The following SCYL2 variants were observed in gnomAD, a reference collection of about 807,000 sequenced individuals.
The protein encoded by SCYL2 is SCY1 like pseudokinase 2, also known as SCY1-like protein 2.
SCYL2 carries 36 observed loss-of-function variants against 100.4 expected under a neutral mutation model. The observed-to-expected ratio is 0.36, with a 90% confidence interval of 0.27 to 0.47. SCYL2 has a LOEUF of 0.47. SCYL2 is among the 20% of genes least tolerant of loss of function. The pLI is 1.00. For missense variants in SCYL2, 902 were observed against 1,083.9 expected (o/e 0.83, Z 2.36); for synonymous variants, 330 against 359.2 (o/e 0.92, Z 0.92).
At chr12:100,332,365 A>G (rs1464622975) in intron 13 of SCYL2, among the ~76,000 whole-genome samples, 2 of 152,210 alleles carry the variant, frequency 1.3e-5, no homozygotes, top group Non-Finnish European at 2.9e-5. Context: ...GTTACCAGTT[A>G]ATAATAGGAA....
chr12:100,283,196 C>A, intron 2 of SCYL2, 49 bp downstream of exon 2: 1 of 1,453,862 alleles, frequency 6.9e-7, no homozygotes, highest in African/African-American at 1.4e-5. Context: ...ATGCTAAGAA[C>A]CATAAAATGC....
In SCYL2 at chr12:100,291,610, G is replaced by A. The variant is rs762255465; in HGVS notation, c.285G>A (p.Arg95=). 1.9e-6 allele frequency: 3 copies of A among 1,599,080 alleles called. No homozygotes were observed. In the Admixed American group the frequency reaches 5.2e-5, roughly 28 times the overall value. Reference sequence around the variant, plus strand: ...AACGAGGAGTCCAACAGTTAACTCGGCTTCGACACCCTCGACTTCTTACTG... The same window carrying A: ...AACGAGGAGTCCAACAGTTAACTCGACTTCGACACCCTCGACTTCTTACTG... ...SLKRGVQQLT[R]LRHPRLLTVQ... The change falls in exon 3 of 18, where the codon CGG becomes CGA. Residue 95 remains arginine (R), a synonymous_variant. Transcript: ENST00000360820.
At chr12:100,295,866 A>G (rs2096319676) in intron 3 of SCYL2, among the ~76,000 whole-genome samples, 1 of 152,100 alleles carries the variant, frequency 6.6e-6, no homozygotes, top group Non-Finnish European at 1.5e-5. Flanking sequence ...AAACTGGGGC[A>G]GACTGGAGTT....
At chr12:100,333,094 T>G (rs1952231932) in intron 13 of SCYL2, among the ~76,000 whole-genome samples, 1 of 151,538 alleles carries the variant, frequency 6.6e-6, no homozygotes. Context: ...TTTTTTTTTG[T>G]CTGTGCACTT....
At chr12:100,271,687 A>G (rs1178266376) in intron 1 of SCYL2, among the ~76,000 whole-genome samples, 2 of 152,226 alleles carry the variant, frequency 1.3e-5, no homozygotes, top group African/African-American at 4.8e-5. Context: ...TCATTGCCAG[A>G]TGTAATTACG....
intron 3 of SCYL2, among the ~76,000 whole-genome samples, chr12:100,296,476 CAA>C (rs1222750931): frequency 6.6e-6 from 1 of 151,868 alleles, no homozygotes; most frequent in Non-Finnish European, 1.5e-5. Flanking sequence ...GTAGGGAAAA[CAA>C]GAGCCAAAGA....
intron 5 of SCYL2, 109 bp downstream of exon 5, chr12:100,311,302 C>A: frequency 9.5e-7 from 1 of 1,047,836 alleles, no homozygotes; most frequent in Non-Finnish European, 1.3e-6. Flanking sequence ...AGATATACAG[C>A]TTTATAGAAA....
At chr12:100,304,725 A>G (rs2096332033) in intron 4 of SCYL2, among the ~76,000 whole-genome samples, 1 of 152,184 alleles carries the variant, frequency 6.6e-6, no homozygotes, top group South Asian at 2.1e-4. Flanking sequence ...TGAAGAGTCA[A>G]GACCCATCAG....
At chr12:100,329,060 A>G (rs924909545) in intron 12 of SCYL2, 141 bp from the exon 13 acceptor site, 16 of 546,224 alleles carry the variant, frequency 2.9e-5, no homozygotes, top group Middle Eastern at 4.9e-4. Flanking sequence ...CATATGTAAG[A>G]ACATCATTAT....
intron 2 of SCYL2, among the ~76,000 whole-genome samples, chr12:100,291,070 A>G (rs2096309988): frequency 6.6e-6 from 1 of 152,196 alleles, no homozygotes; most frequent in African/African-American, 2.4e-5. Context: ...AGATACTACA[A>G]ATTCATTTTT....
At chr12:100,327,889 T>G (rs1719551510) in intron 12 of SCYL2, among the ~76,000 whole-genome samples, 1 of 152,156 alleles carries the variant, frequency 6.6e-6, no homozygotes, top group African/African-American at 2.4e-5. Context: ...GCTCAGTAAA[T>G]ATTTGTGGGA....
intron 10 of SCYL2, among the ~76,000 whole-genome samples, chr12:100,321,065 A>T (rs917665671): frequency 6.6e-6 from 1 of 152,148 alleles, no homozygotes; most frequent in Non-Finnish European, 1.5e-5. Context: ...CCTCCATAGT[A>T]GCAGGGACCA....
intron 12 of SCYL2, among the ~76,000 whole-genome samples, chr12:100,328,219 AG>A (rs1324513592): frequency 6.6e-6 from 1 of 152,152 alleles, no homozygotes; most frequent in Non-Finnish European, 1.5e-5. Flanking sequence ...TTGAGGCTGC[AG>A]GGACCCATGA....
In SCYL2 at chr12:100,267,314, C is replaced by T; in HGVS notation, c.-507C>T. On this transcript the variant is annotated 5_prime_UTR_variant, in exon 1 of 18. Transcript: ENST00000360820. ...CAGAGTCAGTGGCCAGGCACGAAGG[C>T]AGAGCAGGAACAGCCAGGAGGCGTT... 2.1e-6 allele frequency: 1 copy of T among 479,570 alleles called. No individual in the cohort carries two copies. Among genetic ancestry groups the T allele is most frequent in the Non-Finnish European group, 3.7e-6 (1 of 269,234 alleles). The allele number at this position is 479,570 out of a possible 1,614,324, so 29.7% of individuals were successfully genotyped here.
At chr12:100,327,252 G>A (rs776058105) in intron 12 of SCYL2, 3 of 321,196 alleles carry the variant, frequency 9.3e-6, no homozygotes, top group Admixed American at 7.6e-5. Flanking sequence ...ATAGGAGCTG[G>A]TTTTCTAATA....
In SCYL2 at chr12:100,340,042, C is replaced by G. The variant is rs896667483; in HGVS notation, c.*870C>G. 11 of 152,660 alleles carry G rather than the reference C, an allele frequency of 7.2e-5. No individual in the cohort carries two copies. Among genetic ancestry groups the G allele is most frequent in the African/African-American group, 2.2e-4 (9 of 41,556 alleles). The allele number at this position is 152,660 out of a possible 1,614,324, so 9.5% of individuals were successfully genotyped here. On this transcript the variant is annotated 3_prime_UTR_variant, in exon 18 of 18. Transcript: ENST00000360820. ...TTGCAGCATATATGAATTGCATTTTCAAAAGAAGATTTGTAAGAATTAAAC... is the reference window on the plus strand; with the variant it reads ...TTGCAGCATATATGAATTGCATTTTGAAAAGAAGATTTGTAAGAATTAAAC...
At chr12:100,289,929 G>A (rs550262128) in intron 2 of SCYL2, among the ~76,000 whole-genome samples, 1 of 152,272 alleles carries the variant, frequency 6.6e-6, no homozygotes, top group Admixed American at 6.5e-5. Flanking sequence ...TCTTGACCAT[G>A]GGTCTTGAAT....
Position 100,338,750 on chromosome 12 carries a change from A to G in SCYL2, c.2368A>G (p.Thr790Ala), listed in dbSNP as rs1485054760. The change falls in exon 18 of 18, where the codon ACA becomes GCA. Residue 790 changes from threonine (T) to alanine (A), a missense_variant. Coordinates refer to ENST00000360820, the MANE Select transcript of SCYL2 (RefSeq NM_017988.6). ...QTSGFNMPVN[T>A]NQNFYSSPST... ...TTCAGGATTCAACATGCCCGTTAAT[A>G]CAAACCAGAACTTCTACAGTAGTCC... 1.9e-6 allele frequency: 3 copies of G among 1,614,174 alleles called. No homozygotes were observed. The highest frequency in any genetic ancestry group is 1.7e-6 in the Non-Finnish European group (2 of 1,180,004).
chr12:100,322,588 C>T (rs2096357340), intron 10 of SCYL2, among the ~76,000 whole-genome samples: 1 of 151,952 alleles, frequency 6.6e-6, no homozygotes, highest in Non-Finnish European at 1.5e-5. Flanking sequence ...GAGACCTTGT[C>T]TTTACAAAAA....
Sources: allele counts gnomAD v4.1 joint callset (sites outside exome capture counted in the v4.1 genomes callset), GRCh38; gene constraint gnomAD v4.1.1; transcripts MANE v1.5; gene names NCBI Gene and HGNC (gene_info 2026-07-23, HGNC 2026-07-21).